Variants in PDXDC1 observed in about 807,000 individuals in gnomAD.
The protein encoded by PDXDC1 is pyridoxal dependent decarboxylase domain containing 1.
In PDXDC1, 42 loss-of-function variants were observed where a neutral mutation model predicts 100.1. That is an observed-to-expected ratio of 0.42 (90% CI 0.33 to 0.54). The LOEUF (loss-of-function observed/expected upper bound fraction) is 0.54, where lower values mean the gene tolerates loss of function less well. Among genes scored for constraint, PDXDC1 ranks in the 20% least tolerant of loss-of-function variants. The pLI is 0.10. For synonymous variants in PDXDC1, 260 were observed against 371.7 expected, an observed-to-expected ratio of 0.70 and a Z score of 3.46; for missense variants, 636 against 979.2, an observed-to-expected ratio of 0.65 and a Z score of 4.68.
intron 16 of PDXDC1, among the ~76,000 whole-genome samples, chr16:15,124,790 A>G (rs2047614277): frequency 6.6e-6 from 1 of 151,778 alleles, no homozygotes; most frequent in Non-Finnish European, 1.5e-5. Flanking sequence ...CAACAACTAC[A>G]AACAAAAAAC....
intron 1 of PDXDC1, among the ~76,000 whole-genome samples, chr16:14,990,417 C>T (rs1288361868): frequency 6.6e-6 from 1 of 152,288 alleles, no homozygotes; most frequent in African/African-American, 2.4e-5. Flanking sequence ...TGGCATTGCC[C>T]ACAGCTATTG....
At chr16:15,128,238 T>G in intron 16 of PDXDC1, 5 of 1,611,264 alleles carry the variant, frequency 3.1e-6, no homozygotes, top group Middle Eastern at 2.3e-4. Context: ...CGTGCCACAC[T>G]CGGATCTTCC....
intron 16 of PDXDC1, among the ~76,000 whole-genome samples, chr16:15,124,771 C>G (rs2047613425): frequency 6.6e-6 from 1 of 150,822 alleles, no homozygotes; most frequent in Non-Finnish European, 1.5e-5. Context: ...GACTCTGTCT[C>G]AAAAACAGCA....
At chr16:15,143,528 T>G (rs1330583072), downstream of PDXDC1, among the ~76,000 whole-genome samples, 2 of 152,106 alleles carry the variant, frequency 1.3e-5, no homozygotes, top group Non-Finnish European at 2.9e-5. Context: ...CTCAGGGGTG[T>G]TCCCAGCCAG....
At chr16:15,081,427 G>A (rs529983484) in intron 16 of PDXDC1, among the ~76,000 whole-genome samples, 1 of 152,250 alleles carries the variant, frequency 6.6e-6, no homozygotes, top group East Asian at 1.9e-4. Context: ...TTGTGGGCAT[G>A]AAGTGAAATC....
At chr16:15,080,951 G>A (rs1247079785) in intron 16 of PDXDC1, among the ~76,000 whole-genome samples, 1 of 151,848 alleles carries the variant, frequency 6.6e-6, no homozygotes, top group Non-Finnish European at 1.5e-5. Flanking sequence ...CATGTTTTTA[G>A]GGTTCAATCA....
chr16:15,047,674 G>A (rs1219894320), intron 16 of PDXDC1: 1 of 919,978 alleles, frequency 1.1e-6, no homozygotes, highest in East Asian at 2.4e-5. Context: ...AAAACGGACA[G>A]GTCTGTGCTC....
At chr16:15,021,738 A>G (rs961002377) in intron 12 of PDXDC1, among the ~76,000 whole-genome samples, 1 of 152,286 alleles carries the variant, frequency 6.6e-6, no homozygotes, top group Non-Finnish European at 1.5e-5. Context: ...TTTAGCAGAC[A>G]TGGTGATCTG....
At chr16:15,023,846 C>T (rs1406427045) in intron 13 of PDXDC1, among the ~76,000 whole-genome samples, 1 of 152,288 alleles carries the variant, frequency 6.6e-6, no homozygotes, top group African/African-American at 2.4e-5. Flanking sequence ...CTGAGCAGTG[C>T]CACAGGGTGG....
At chr16:15,083,185 G>C (rs928588333) in intron 16 of PDXDC1, among the ~76,000 whole-genome samples, 1 of 152,208 alleles carries the variant, frequency 6.6e-6, no homozygotes, top group Admixed American at 6.5e-5. Context: ...CAGATCACAA[G>C]GTCAGGCGTT....
At chr16:15,109,855 TA>T (rs1177596848) in intron 16 of PDXDC1, among the ~76,000 whole-genome samples, 13,491 of 107,336 alleles carry the variant, frequency 0.13, 990 homozygotes, top group East Asian at 0.25. Context: ...TCTCAAAATT[TA>T]AAAAAAAAAA....
intron 1 of PDXDC1, among the ~76,000 whole-genome samples, chr16:14,983,539 C>T (rs1207347942): frequency 7.8e-6 from 1 of 128,652 alleles, no homozygotes; most frequent in African/African-American, 2.8e-5. Context: ...TGCCACTGTA[C>T]TCCAGCCTAG....
intron 16 of PDXDC1, chr16:15,086,275 A>C (rs1350932408): frequency 6.4e-7 from 1 of 1,562,756 alleles, no homozygotes. Flanking sequence ...TGGGGGAAGA[A>C]AGATAAAAGC....
chr16:15,129,095 G>A (rs1307807338), intron 16 of PDXDC1, among the ~76,000 whole-genome samples: 11 of 151,660 alleles, frequency 7.3e-5, no homozygotes, highest in Non-Finnish European at 1.5e-4. Context: ...GTGAGCCACC[G>A]CGCCCGGCCG....
rs566140041 is a variant in PDXDC1 at position 15,077,498 on chromosome 16, C to T, written c.1399+47442C>T. On this transcript the variant is annotated intron_variant, in intron 16 of 16. Coordinates refer to the PDXDC1 transcript ENST00000535621. Reference sequence around the variant, plus strand: ...CATGTAAGAAGTGCCTTTCACCTCCCGCCATGATTCTGAGGCCTCCCCAGC... The same window carrying T: ...CATGTAAGAAGTGCCTTTCACCTCCTGCCATGATTCTGAGGCCTCCCCAGC... 4.4e-3 allele frequency among the ~76,000 whole-genome samples: 676 copies of T among 152,198 alleles called. 4 individuals are homozygous for T. Among genetic ancestry groups the T allele is most frequent in the Non-Finnish European group, 7.6e-3 (515 of 68,020 alleles).
In PDXDC1 at chr16:14,983,108, G is replaced by A. The variant is rs1235355272; in HGVS notation, c.21+7888G>A. On this transcript the variant is annotated intron_variant, in intron 1 of 22. Transcript: ENST00000396410. The stretch of plus-strand genomic sequence containing the variant: ...GTTTCTCTTTAGTTAGCCCTAAGAG[G>A]CCTCTGAAATAAGTCCTAAAAGTCC... Among the ~76,000 whole-genome samples the A allele has an allele frequency of 5.3e-5, 8 of 152,258 alleles. No individual in the cohort carries two copies. The East Asian group carries it at 1.6e-3, about 30-fold the overall frequency.
intron 1 of PDXDC1, among the ~76,000 whole-genome samples, chr16:14,991,135 A>G (rs771120184): frequency 6.6e-6 from 1 of 152,284 alleles, no homozygotes; most frequent in Non-Finnish European, 1.5e-5. Context: ...GTGAATCTGC[A>G]TTTCCCTCCT....
At chr16:15,061,628 G>T in intron 16 of PDXDC1, 1 of 921,568 alleles carries the variant, frequency 1.1e-6, no homozygotes. Context: ...CACAGCCGAG[G>T]CAGGCACTCG....
chr16:15,032,796 A>T, intron 17 of PDXDC1, 65 bp from the exon 18 acceptor site: 2 of 939,222 alleles, frequency 2.1e-6, no homozygotes, highest in Non-Finnish European at 3.5e-6. Flanking sequence ...AGAGGTTTCT[A>T]ATCCTGTATC....
Sources: allele counts gnomAD v4.1 joint callset (sites outside exome capture counted in the v4.1 genomes callset), GRCh38; gene constraint gnomAD v4.1.1; transcripts MANE v1.5; gene names NCBI Gene and HGNC (gene_info 2026-07-23, HGNC 2026-07-21).